Variants in LRRN2 observed in about 807,000 individuals in gnomAD.
The protein encoded by LRRN2 is leucine-rich repeat neuronal protein 2.
LRRN2 carries 10 observed loss-of-function variants against 35.7 expected under a neutral mutation model. The observed-to-expected ratio is 0.28, with a 90% CI of 0.17 to 0.47. The LOEUF (loss-of-function observed/expected upper bound fraction) is 0.47, where lower values mean the gene tolerates loss of function less well. Ranked by LOEUF, LRRN2 falls within the 20% of genes least tolerant of loss-of-function variation. The pLI, the probability that LRRN2 is intolerant of heterozygous loss-of-function variation, is 0.99. For synonymous variants in LRRN2, 391 were observed against 409.6 expected (o/e 0.95, Z 0.55); for missense variants, 731 against 940.3 (o/e 0.78, Z 2.91).
At chr1:204,634,361 C>A (rs939305207) in intron 1 of LRRN2, among the ~76,000 whole-genome samples, 4 of 152,164 alleles carry the variant, frequency 2.6e-5, no homozygotes, top group African/African-American at 9.7e-5. Flanking sequence ...TTGTAAAAGG[C>A]CCTTGGCTTG....
intron 1 of LRRN2, among the ~76,000 whole-genome samples, chr1:204,668,952 T>C (rs1232495419): frequency 6.6e-6 from 1 of 152,138 alleles, no homozygotes; most frequent in Non-Finnish European, 1.5e-5. Flanking sequence ...GTCTCCCAAG[T>C]AGCTGGAACT....
At chr1:204,658,403 G>A (rs1411138025) in intron 1 of LRRN2, among the ~76,000 whole-genome samples, 1 of 152,194 alleles carries the variant, frequency 6.6e-6, no homozygotes, top group Non-Finnish European at 1.5e-5. Flanking sequence ...TGACCAAAAG[G>A]CTTCCCCATT....
chr1:204,636,237 C>T (rs959244392), intron 1 of LRRN2, among the ~76,000 whole-genome samples: 1 of 152,156 alleles, frequency 6.6e-6, no homozygotes, highest in Admixed American at 6.5e-5. Flanking sequence ...CTGAAACAGA[C>T]GCGGCTTCTG....
intron 1 of LRRN2, among the ~76,000 whole-genome samples, chr1:204,646,304 G>A (rs1553347971): frequency 6.6e-6 from 1 of 152,110 alleles, no homozygotes; most frequent in Non-Finnish European, 1.5e-5. Flanking sequence ...TTATTTCCAT[G>A]CTTTCTTGGG....
chr1:204,637,335 T>C (rs926037379), intron 1 of LRRN2, among the ~76,000 whole-genome samples: 2 of 152,236 alleles, frequency 1.3e-5, no homozygotes, highest in Non-Finnish European at 2.9e-5. Flanking sequence ...TCTAGCCCAA[T>C]GCTTCCCAGC....
intron 1 of LRRN2, among the ~76,000 whole-genome samples, chr1:204,674,891 T>C (rs967119009): frequency 2.6e-5 from 4 of 152,268 alleles, no homozygotes; most frequent in African/African-American, 7.2e-5. Context: ...TCACGTCGCC[T>C]CTGCCCAGTT....
At chr1:204,662,390 A>G (rs939878847) in intron 1 of LRRN2, among the ~76,000 whole-genome samples, 2 of 152,176 alleles carry the variant, frequency 1.3e-5, no homozygotes, top group Admixed American at 6.5e-5. Context: ...TCCTCCAGTA[A>G]TTCTCTGGCA....
At chr1:204,659,311 C>G (rs1221446471) in intron 1 of LRRN2, among the ~76,000 whole-genome samples, 1 of 152,172 alleles carries the variant, frequency 6.6e-6, no homozygotes, top group African/African-American at 2.4e-5. Flanking sequence ...GTGCAATGCA[C>G]ATGGATTCTG....
intron 1 of LRRN2, among the ~76,000 whole-genome samples, chr1:204,678,797 C>T (rs1189009809): frequency 6.6e-6 from 1 of 152,146 alleles, no homozygotes; most frequent in African/African-American, 2.4e-5. Context: ...AACAAACTCC[C>T]CCTCTCCCAA....
intron 1 of LRRN2, among the ~76,000 whole-genome samples, chr1:204,659,386 C>T (rs1329647460): frequency 2.6e-5 from 4 of 152,154 alleles, no homozygotes; most frequent in Non-Finnish European, 4.4e-5. Context: ...TGACAGTCTC[C>T]GGGGTCTTCA....
intron 1 of LRRN2, among the ~76,000 whole-genome samples, chr1:204,645,729 A>G (rs1668090837): frequency 1.3e-5 from 2 of 152,162 alleles, no homozygotes; most frequent in East Asian, 3.9e-4. Flanking sequence ...GAAACTTACA[A>G]TCATGGCAGA....
At chr1:204,631,665 G>A (rs932754555) in intron 1 of LRRN2, among the ~76,000 whole-genome samples, 3 of 151,876 alleles carry the variant, frequency 2.0e-5, no homozygotes, top group African/African-American at 7.3e-5. Flanking sequence ...TGAATTTGAT[G>A]GTATGCAAAT....
chr1:204,653,281 G>A (rs1167108094), intron 1 of LRRN2, among the ~76,000 whole-genome samples: 1 of 152,194 alleles, frequency 6.6e-6, no homozygotes, highest in African/African-American at 2.4e-5. Context: ...TCTCAATTCA[G>A]AAGTTCTAAG....
At chr1:204,624,822 G>A (rs1043117767) in intron 1 of LRRN2, among the ~76,000 whole-genome samples, 1 of 150,232 alleles carries the variant, frequency 6.7e-6, no homozygotes, top group Non-Finnish European at 1.5e-5. Context: ...CCTGGCCTTG[G>A]CTGCTTCAGT....
chr1:204,664,268 C>T (rs1027989474), intron 1 of LRRN2: 2 of 152,508 alleles, frequency 1.3e-5, no homozygotes, highest in African/African-American at 4.8e-5. Context: ...CAGCTTCAAC[C>T]AGTCCTCTCT....
At chr1:204,634,900 A>T (rs911963756) in intron 1 of LRRN2, among the ~76,000 whole-genome samples, 1 of 152,242 alleles carries the variant, frequency 6.6e-6, no homozygotes, top group African/African-American at 2.4e-5. Context: ...CTACTGAAAA[A>T]TGGGACTAAG....
intron 1 of LRRN2, among the ~76,000 whole-genome samples, chr1:204,659,770 C>T (rs1668432743): frequency 6.6e-6 from 1 of 151,946 alleles, no homozygotes; most frequent in African/African-American, 2.4e-5. Context: ...ATGGTAAGTG[C>T]CTTATAAGTG....
At chr1:204,644,059 T>C (rs12404306) in intron 1 of LRRN2, among the ~76,000 whole-genome samples, 2 of 152,094 alleles carry the variant, frequency 1.3e-5, no homozygotes, top group Non-Finnish European at 2.9e-5. Flanking sequence ...AATAAATGGG[T>C]TCCCTTTCCC....
chr1:204,681,204 G>C (rs1021406227), intron 1 of LRRN2, among the ~76,000 whole-genome samples: 1 of 152,014 alleles, frequency 6.6e-6, no homozygotes, highest in African/African-American at 2.4e-5. Context: ...TGATCCACCC[G>C]CCTTGGCCTC....
Sources: allele counts gnomAD v4.1 joint callset (sites outside exome capture counted in the v4.1 genomes callset), GRCh38; gene constraint gnomAD v4.1.1; transcripts MANE v1.5; gene names NCBI Gene and HGNC (gene_info 2026-07-23, HGNC 2026-07-21).